Variants in USP1 observed in about 807,000 individuals in gnomAD.
The protein encoded by USP1 is ubiquitin specific peptidase 1.
A neutral mutation model predicts 72.2 loss-of-function variants in USP1; 18 were observed. The observed-to-expected ratio is 0.25, with a 90% CI of 0.17 to 0.37. The LOEUF (loss-of-function observed/expected upper bound fraction) is 0.37. Among genes scored for constraint, USP1 ranks in the 10% least tolerant of loss-of-function variants. USP1 has a pLI of 1.00. For synonymous variants in USP1, 354 were observed against 303.7 expected, an observed-to-expected ratio of 1.17 and a Z score of -1.72; for missense variants, 759 against 884.9, an observed-to-expected ratio of 0.86 and a Z score of 1.81.
rs1571142423 is a variant in USP1, at chr1:62,451,067, T to G, written c.*86T>G. On this transcript the variant is annotated 3_prime_UTR_variant, in exon 9 of 9. Transcript: ENST00000339950. ...ATTACATCAAAGAATCTTTAGCTTA[T>G]CTTTTGAAGCTACTGGATATTATTG... 7 of 1,311,858 alleles carry G rather than the reference T, an allele frequency of 5.3e-6. No individual in the cohort carries two copies. Among genetic ancestry groups the G allele is most frequent in the African/African-American group, 1.5e-5 (1 of 67,828 alleles). 81.3% of individuals were successfully genotyped at this position (1,311,858 alleles called of 1,614,324 possible).
intron 5 of USP1, among the ~76,000 whole-genome samples, chr1:62,444,193 C>T (rs534652776): frequency 4.2e-4 from 59 of 141,180 alleles, no homozygotes; most frequent in African/African-American, 1.5e-3. Flanking sequence ...CGGGAGGCGG[C>T]GGTTGCAGTG....
chr1:62,447,707 G>A (rs1382767598), intron 7 of USP1, among the ~76,000 whole-genome samples, 196 bp downstream of exon 7: 7 of 152,192 alleles, frequency 4.6e-5, no homozygotes, highest in Non-Finnish European at 8.8e-5. Flanking sequence ...TGATTTTGAT[G>A]TAGAGTGTGT....
upstream of USP1, chr1:62,436,743 T>G: frequency 5.5e-6 from 1 of 183,096 alleles, no homozygotes; most frequent in East Asian, 1.3e-4. Flanking sequence ...AAAAAGGGTG[T>G]GAGGCTCGAG....
intron 6 of USP1, among the ~76,000 whole-genome samples, chr1:62,446,269 G>C (rs1053203285): frequency 1.3e-5 from 2 of 151,970 alleles, no homozygotes; most frequent in Non-Finnish European, 2.9e-5. Context: ...CTAATCTTTT[G>C]GCTTCCTTGG....
chr1:62,438,400 A>G (rs1645107504), intron 1 of USP1, among the ~76,000 whole-genome samples: 1 of 152,214 alleles, frequency 6.6e-6, no homozygotes, highest in Non-Finnish European at 1.5e-5. Context: ...AGTTGGAGAC[A>G]GAATGGAGAG....
rs779085708 is a variant in USP1 at position 62,445,129 on chromosome 1, A to G, written c.949A>G (p.Ile317Val). 47 of 1,613,524 alleles carry G rather than the reference A, an allele frequency of 2.9e-5. No individual in the cohort carries two copies. Among genetic ancestry groups the G allele is most frequent in the Non-Finnish European group, 4.0e-5 (47 of 1,179,910 alleles). Residue 317 changes from isoleucine to valine, a missense_variant, in exon 6 of 9, where the codon ATA (isoleucine) becomes GTA (valine). This residue lies in a region of USP1 where 245 missense variants were observed against 240.7 expected (regional missense o/e 1.02). Coordinates refer to ENST00000339950, the MANE Select transcript of USP1 (RefSeq NM_003368.5). ...TSDTLESPPK[I>V]IPKYISENES... Reference sequence around the variant, plus strand: ...TGATACATTAGAGAGTCCTCCTAAAATAATTCCCAAGTATATTTCTGAAAA... The same window carrying G: ...TGATACATTAGAGAGTCCTCCTAAAGTAATTCCCAAGTATATTTCTGAAAA...
At position 62,441,511 on chromosome 1, in the gene USP1, A is replaced by G; in HGVS notation, c.194A>G (p.Gln65Arg). ...AGTGATCAAGTTGTTCCTGCAGCAC[A>G]GTCTTCACCTATAAACTGTGAGAAG... Reference protein sequence around the residue: ...SEIDQVVPAAQSSPINCEKRE... With the variant: ...SEIDQVVPAARSSPINCEKRE... The change falls in exon 3 of 9, where the codon CAG becomes CGG. Residue 65 changes from glutamine to arginine, a missense_variant. Coordinates refer to ENST00000339950, the MANE Select transcript of USP1 (RefSeq NM_003368.5). 6.2e-7 allele frequency: 1 copy of G among 1,611,284 alleles called. No homozygotes were observed. Among genetic ancestry groups the G allele is most frequent in the Non-Finnish European group, 8.5e-7 (1 of 1,179,138 alleles).
At chr1:62,442,900 G>A (rs1441956592) in intron 4 of USP1, among the ~76,000 whole-genome samples, 5 of 152,054 alleles carry the variant, frequency 3.3e-5, no homozygotes, top group African/African-American at 4.8e-5. Flanking sequence ...CTAATTGGGA[G>A]GCTGAGGTGG....
intron 2 of USP1, among the ~76,000 whole-genome samples, 176 bp from the exon 3 acceptor site, chr1:62,441,312 T>C (rs956690988): frequency 6.6e-6 from 1 of 152,366 alleles, no homozygotes; most frequent in Non-Finnish European, 1.5e-5. Flanking sequence ...TTTAAAACTT[T>C]TATTCTGGGC....
intron 5 of USP1, 128 bp from the exon 6 acceptor site, chr1:62,444,610 A>C (rs1645156995): frequency 1.3e-6 from 1 of 760,084 alleles, no homozygotes; most frequent in African/African-American, 1.8e-5. Context: ...ATTAGTGCTG[A>C]ATAAATGTCT....
intron 8 of USP1, 61 bp from the exon 9 acceptor site, chr1:62,450,185 G>A (rs1324617903): frequency 2.6e-6 from 4 of 1,541,592 alleles, no homozygotes; most frequent in East Asian, 2.3e-5. Context: ...TCAGATTGGG[G>A]TATAACATTT....
chr1:62,438,454 G>A (rs1645108119), intron 1 of USP1, among the ~76,000 whole-genome samples: 1 of 152,116 alleles, frequency 6.6e-6, no homozygotes, highest in Non-Finnish European at 1.5e-5. Context: ...TCTCAGAAAT[G>A]GTTTCAGTGT....
chr1:62,436,851 C>T (rs1011089236), upstream of USP1: 15 of 352,844 alleles, frequency 4.3e-5, no homozygotes, highest in East Asian at 4.1e-5. Context: ...CTGTGGAACC[C>T]GTTAGGCTTT....
rs374024118 is a variant in USP1, at chr1:62,442,303, A to C, written c.396+4A>C. 7 of 1,557,344 alleles carry C rather than the reference A, an allele frequency of 4.5e-6. No individual in the cohort carries two copies. Among genetic ancestry groups the C allele is most frequent in the Non-Finnish European group, 5.2e-6 (6 of 1,146,872 alleles). ...TGAAGCCAATCAAAAAGACAAGGTA[A>C]GAAAAATAAAGAACAGAAAATAATG... On this transcript the variant is annotated splice_donor_region_variant and intron_variant, in intron 4 of 8. Coordinates refer to ENST00000339950, the MANE Select transcript of USP1 (RefSeq NM_003368.5).
At position 62,448,627 on chromosome 1, in the gene USP1, T is replaced by C. The variant is rs367590932; in HGVS notation, c.1583T>C (p.Ile528Thr). ...SLLFDKMPEV[I>T]TIHLKCFAAS... ...TTGTTTGACAAAATGCCTGAAGTTA[T>C]AACTATTCATTTGAAGTGCTTTGCT... The change falls in exon 8 of 9, where the codon ATA (isoleucine) becomes ACA (threonine). Residue 528 changes from isoleucine to threonine, a missense_variant. By Grantham distance (89) the Ile-to-Thr change is moderately conservative (BLOSUM62 -1). Transcript: ENST00000339950. The C allele has an allele frequency of 1.9e-6, 3 of 1,613,530 alleles. No individual in the cohort carries two copies. The highest frequency in any genetic ancestry group is 2.5e-6 in the Non-Finnish European group (3 of 1,179,924).
intron 8 of USP1, among the ~76,000 whole-genome samples, chr1:62,449,396 CTG>C (rs1454264122): frequency 1.3e-5 from 2 of 152,152 alleles, no homozygotes; most frequent in East Asian, 3.9e-4. Flanking sequence ...TTTGGATAGT[CTG>C]TTTTTTTCTG....
Position 62,441,011 on chromosome 1 carries a change from A to ATT in USP1, c.171-464_171-463dup, listed in dbSNP as rs397737121. Among the ~76,000 whole-genome samples, 1,054 of 145,782 alleles carry ATT rather than the reference A, an allele frequency of 7.2e-3. 4 individuals are homozygous for ATT. Among genetic ancestry groups the ATT allele is most frequent in the African/African-American group, 0.014 (557 of 39,736 alleles). Reference sequence around the variant, plus strand: ...ATTTTTAAGTGAGGGATAGCTACATATTTTTTTTTTTTTTACCAGCAGGAA... The same window carrying ATT: ...ATTTTTAAGTGAGGGATAGCTACATATTTTTTTTTTTTTTTTACCAGCAGGAA... On this transcript the variant is annotated intron_variant, in intron 2 of 8. Transcript: ENST00000339950.
chr1:62,446,109 G>A (rs1022035459), intron 6 of USP1, among the ~76,000 whole-genome samples: 1 of 152,174 alleles, frequency 6.6e-6, no homozygotes, highest in African/African-American at 2.4e-5. Flanking sequence ...AATTTTAAAA[G>A]TAAAGACTAA....
intron 2 of USP1, among the ~76,000 whole-genome samples, chr1:62,441,083 T>C (rs777863588): frequency 2.0e-5 from 3 of 152,150 alleles, no homozygotes; most frequent in Non-Finnish European, 4.4e-5. Flanking sequence ...TGAATTCTTA[T>C]TAATAGAATC....
Sources: allele counts gnomAD v4.1 joint callset (sites outside exome capture counted in the v4.1 genomes callset), GRCh38; gene constraint gnomAD v4.1.1; regional missense constraint gnomAD v4.1.1; transcripts MANE v1.5; gene names NCBI Gene and HGNC (gene_info 2026-07-23, HGNC 2026-07-21).